Variants in PLCE1 observed in about 807,000 individuals in gnomAD.
PLCE1 encodes the protein 1-phosphatidylinositol 4,5-bisphosphate phosphodiesterase epsilon-1.
PLCE1 carries 119 observed loss-of-function variants against 242.8 expected under a neutral mutation model. That is an observed-to-expected ratio of 0.49 (90% CI 0.42 to 0.57). PLCE1 has a LOEUF of 0.57. Ranked by LOEUF, PLCE1 falls within the 20% of genes least tolerant of loss-of-function variation. PLCE1 has a pLI of 0.00. For synonymous variants in PLCE1, 945 were observed against 1,017.4 expected, an observed-to-expected ratio of 0.93 and a Z score of 1.35; for missense variants, 2,441 against 2,788.8, an observed-to-expected ratio of 0.88 and a Z score of 2.81.
chr10:94,250,426 G>A (rs994392443), intron 8 of PLCE1, among the ~76,000 whole-genome samples: 2 of 150,268 alleles, frequency 1.3e-5, no homozygotes, highest in African/African-American at 2.5e-5. Context: ...AGTTGAAACC[G>A]GGAGGCGGAG....
At chr10:94,282,576 A>G (rs2052278937) in intron 20 of PLCE1, among the ~76,000 whole-genome samples, 1 of 152,212 alleles carries the variant, frequency 6.6e-6, no homozygotes, top group Non-Finnish European at 1.5e-5. Context: ...AGCCCTTGGC[A>G]TGATTCACAT....
chr10:94,114,036 C>G (rs2046039239), intron 2 of PLCE1, among the ~76,000 whole-genome samples: 1 of 152,112 alleles, frequency 6.6e-6, no homozygotes, highest in African/African-American at 2.4e-5. Flanking sequence ...CTTACTATGA[C>G]CTGGGCTCTG....
chr10:94,071,194 C>T (rs975730677), intron 2 of PLCE1, among the ~76,000 whole-genome samples: 15 of 152,088 alleles, frequency 9.9e-5, no homozygotes, highest in Non-Finnish European at 5.9e-5. Flanking sequence ...GACCCATGCA[C>T]GGACCAGAAG....
chr10:94,200,405 G>A (rs1006633169), intron 4 of PLCE1, among the ~76,000 whole-genome samples: 1 of 152,152 alleles, frequency 6.6e-6, no homozygotes, highest in Non-Finnish European at 1.5e-5. Flanking sequence ...AACTGAAAGA[G>A]CTCCCAACAG....
At chr10:94,137,089 A>T (rs950946110) in intron 3 of PLCE1, among the ~76,000 whole-genome samples, 4 of 152,254 alleles carry the variant, frequency 2.6e-5, no homozygotes, top group African/African-American at 7.2e-5. Context: ...GCTACTCGGG[A>T]GGCTGAGGCA....
intron 22 of PLCE1, 147 bp downstream of exon 22, chr10:94,285,112 T>C: frequency 1.6e-6 from 1 of 607,348 alleles, no homozygotes; most frequent in South Asian, 2.1e-5. Context: ...AATATCTTTA[T>C]TATTATAATT....
intron 3 of PLCE1, among the ~76,000 whole-genome samples, chr10:94,154,083 A>G (rs961718815): frequency 2.6e-5 from 4 of 152,250 alleles, no homozygotes; most frequent in African/African-American, 9.6e-5. Flanking sequence ...CTACAGAGCT[A>G]TAGTAACCAA....
chr10:94,193,806 C>T (rs2048738676), intron 4 of PLCE1, among the ~76,000 whole-genome samples: 1 of 152,216 alleles, frequency 6.6e-6, no homozygotes, highest in African/African-American at 2.4e-5. Flanking sequence ...CTCTGAAATC[C>T]ACTTCTGCAA....
rs556730222 is a variant in PLCE1, at chr10:94,111,012, T to C, written c.1207-21162T>C. Among the ~76,000 whole-genome samples, 5 of 152,242 alleles carry C rather than the reference T, an allele frequency of 3.3e-5. No homozygotes were observed. In the East Asian group the frequency reaches 7.7e-4, roughly 24 times the overall value. On this transcript the variant is annotated intron_variant, in intron 2 of 32. Transcript: ENST00000371380. ...CATTGCCAAATGTCCCTGGTGTGGG[T>C]GGTCGTGATAAAATAACGTCTGGTT...
chr10:94,103,548 T>C (rs759759983), intron 2 of PLCE1, among the ~76,000 whole-genome samples: 9 of 152,216 alleles, frequency 5.9e-5, no homozygotes, highest in Non-Finnish European at 1.3e-4. Context: ...GTTTCAGTAA[T>C]TGAGGCTCAA....
chr10:94,181,744 C>G (rs1020402671), intron 4 of PLCE1, among the ~76,000 whole-genome samples: 1 of 151,918 alleles, frequency 6.6e-6, no homozygotes, highest in Non-Finnish European at 1.5e-5. Context: ...ATAGCAAGAT[C>G]CTGTATCTAC....
At chr10:94,287,090 A>G (rs1193626950) in intron 22 of PLCE1, 1 of 152,252 alleles carries the variant, frequency 6.6e-6, no homozygotes, top group Non-Finnish European at 1.5e-5. Flanking sequence ...GTGGAAGATC[A>G]GGAGGTCATG....
intron 23 of PLCE1, among the ~76,000 whole-genome samples, chr10:94,297,866 T>C (rs992468211): frequency 6.6e-6 from 1 of 152,140 alleles, no homozygotes; most frequent in Non-Finnish European, 1.5e-5. Flanking sequence ...TTTGATTTTG[T>C]TGTTTCCTAT....
intron 2 of PLCE1, among the ~76,000 whole-genome samples, chr10:94,079,223 A>T (rs953592344): frequency 1.3e-5 from 2 of 152,326 alleles, no homozygotes; most frequent in African/African-American, 4.8e-5. Context: ...TATTTTCATC[A>T]CAACATTAAG....
At chr10:94,134,005 T>C (rs1016520593) in intron 3 of PLCE1, among the ~76,000 whole-genome samples, 1 of 152,204 alleles carries the variant, frequency 6.6e-6, no homozygotes, top group Non-Finnish European at 1.5e-5. Flanking sequence ...GGAATTGGCA[T>C]TGTTTTAATG....
chr10:93,996,114 CGTGTGT>C (rs10538788), intron 1 of PLCE1, among the ~76,000 whole-genome samples: 3 of 151,316 alleles, frequency 2.0e-5, no homozygotes, highest in Non-Finnish European at 3.0e-5. Flanking sequence ...GCTTGCTGCA[CGTGTGT>C]GTGTGTGTGT....
chr10:94,248,222 G>T (rs2050755498), intron 8 of PLCE1, among the ~76,000 whole-genome samples: 1 of 152,108 alleles, frequency 6.6e-6, no homozygotes, highest in Non-Finnish European at 1.5e-5. Context: ...TTGATTAATT[G>T]ATTAATAAGC....
chr10:94,059,271 G>T (rs1020849688), intron 2 of PLCE1, among the ~76,000 whole-genome samples: 2 of 152,158 alleles, frequency 1.3e-5, no homozygotes, highest in African/African-American at 4.8e-5. Context: ...GTGGACAGAT[G>T]GATCAGAAGA....
rs555930711 is a variant in PLCE1, at chr10:94,270,385, T to C, written c.4390-101T>C. 53 of 821,414 alleles carry C rather than the reference T, an allele frequency of 6.5e-5. No homozygotes were observed. In the African/African-American group the frequency reaches 8.5e-4, roughly 13 times the overall value. The allele number at this position is 821,414 out of a possible 1,614,324, so 50.9% of individuals were successfully genotyped here. A position where few individuals can be genotyped will look rare whatever the true frequency, so the allele number is the denominator to read the frequency against. On this transcript the variant is annotated intron_variant, in intron 17 of 32. Coordinates refer to ENST00000371380, the MANE Select transcript of PLCE1 (RefSeq NM_016341.4). ...AAAACCATCTTTGGCCAGAGTCTGC[T>C]GCATGTAACAATTGAGATGCTTTCT...
Sources: gnomAD v4.1 joint callset for allele counts (sites outside exome capture counted in the v4.1 genomes callset) on GRCh38, gnomAD v4.1.1 for gene constraint, MANE v1.5 for transcripts, NCBI Gene and HGNC (gene_info 2026-07-23, HGNC 2026-07-21) for gene names.